Variants in FBXO42 observed in about 807,000 individuals in gnomAD.
The protein encoded by FBXO42 is F-box only protein 42.
In FBXO42, 12 loss-of-function variants were observed where a neutral mutation model predicts 71.7. The ratio of observed to expected loss-of-function variants is 0.17; its 90% CI spans 0.11 to 0.27. The LOEUF (loss-of-function observed/expected upper bound fraction) is 0.27, where lower values mean the gene tolerates loss of function less well. Ranked by LOEUF, FBXO42 falls within the 10% of genes least tolerant of loss-of-function variation. The pLI is 1.00. For missense variants in FBXO42, 707 were observed against 911.9 expected, an observed-to-expected ratio of 0.78 and a Z score of 2.89; for synonymous variants, 325 against 327.5, an observed-to-expected ratio of 0.99 and a Z score of 0.08.
intron 4 of FBXO42, among the ~76,000 whole-genome samples, chr1:16,273,315 C>T (rs927043333): frequency 6.6e-6 from 1 of 152,090 alleles, no homozygotes; most frequent in African/African-American, 2.4e-5. Context: ...GTCATTAGCC[C>T]CTAATAATTA....
chr1:16,341,698 C>T (rs902742591), intron 1 of FBXO42, among the ~76,000 whole-genome samples: 2 of 149,122 alleles, frequency 1.3e-5, no homozygotes, highest in Non-Finnish European at 3.0e-5. Flanking sequence ...GGGCCGGGTG[C>T]GGTGGCTCAT....
intron 3 of FBXO42, among the ~76,000 whole-genome samples, chr1:16,301,372 G>C (rs901976522): frequency 6.6e-6 from 1 of 152,054 alleles, no homozygotes; most frequent in Admixed American, 6.6e-5. Flanking sequence ...TTGTGAAACA[G>C]TACAAGAAGG....
rs779648564 is a variant in FBXO42, at chr1:16,250,919, T to G, written c.1905A>C (p.Leu635=). 5 of 1,614,060 alleles carry G rather than the reference T, an allele frequency of 3.1e-6. No homozygotes were observed. The South Asian group carries it at 4.4e-5, about 14-fold the overall frequency. Residue 635 remains leucine, a synonymous_variant, in exon 10 of 10, where the codon CTA becomes CTC. Coordinates refer to ENST00000375592, the MANE Select transcript of FBXO42 (RefSeq NM_018994.3). This position sits in a 1 kb window ranked among gnomAD's most constrained non-coding sequence, Gnocchi z 4.7. ...PPQSLNVGKP[L]YQSMNCKPMQ... ...TGGGCTTGCAGTTCATACTCTGGTA[T>G]AGGGGTTTGCCAACATTTAGGGACT...
intron 4 of FBXO42, among the ~76,000 whole-genome samples, chr1:16,283,663 C>A (rs2081990653): frequency 1.3e-5 from 2 of 151,806 alleles, no homozygotes; most frequent in East Asian, 1.9e-4. Context: ...TGCCCAGCTA[C>A]TTTTTGTATT....
intron 4 of FBXO42, among the ~76,000 whole-genome samples, chr1:16,273,035 C>T (rs994352271): frequency 1.3e-5 from 2 of 152,074 alleles, no homozygotes; most frequent in Non-Finnish European, 2.9e-5. Context: ...CTAGTATCTC[C>T]GTATATATAA....
At chr1:16,288,577 C>T (rs1044669564) in intron 4 of FBXO42, among the ~76,000 whole-genome samples, 4 of 152,044 alleles carry the variant, frequency 2.6e-5, no homozygotes, top group African/African-American at 9.7e-5. Flanking sequence ...TCCACTTCAG[C>T]AAATGGCCCC....
At chr1:16,301,083 G>C (rs1413438560) in intron 3 of FBXO42, among the ~76,000 whole-genome samples, 6 of 151,830 alleles carry the variant, frequency 4.0e-5, no homozygotes. Flanking sequence ...ATGTTTAGTG[G>C]AGATAGGGTT....
chr1:16,313,824 T>C (rs948864398), intron 2 of FBXO42, among the ~76,000 whole-genome samples: 1 of 152,186 alleles, frequency 6.6e-6, no homozygotes, highest in African/African-American at 2.4e-5. Flanking sequence ...TCCACTTGAT[T>C]GATCATCTTC....
Position 16,305,826 on chromosome 1 carries a change from G to A in FBXO42, c.344C>T (p.Pro115Leu). The A allele has an allele frequency of 3.1e-6, 5 of 1,614,024 alleles. No homozygotes were observed. Among genetic ancestry groups the A allele is most frequent in the Non-Finnish European group, 3.4e-6 (4 of 1,179,914 alleles). The change falls in exon 3 of 10, where the codon CCA (proline) becomes CTA (leucine). Residue 115 changes from proline (P) to leucine (L), a missense_variant. Coordinates refer to ENST00000375592, the MANE Select transcript of FBXO42 (RefSeq NM_018994.3). ...ACTGTGCGAGAAGCGCTGAGTGATT[G>A]GGGTTCCAGGATAAGGATAGGTACG... ...ESRTYPYPGT[P>L]ITQRFSHSAC...
intron 4 of FBXO42, among the ~76,000 whole-genome samples, chr1:16,272,845 A>T (rs1248347096): frequency 2.0e-5 from 3 of 152,198 alleles, no homozygotes; most frequent in African/African-American, 7.2e-5. Context: ...AATTCTTAGG[A>T]ATATTTCATT....
At chr1:16,321,392 C>T (rs1275200953) in intron 1 of FBXO42, among the ~76,000 whole-genome samples, 1 of 152,176 alleles carries the variant, frequency 6.6e-6, no homozygotes, top group Non-Finnish European at 1.5e-5. Context: ...CATTTTGAAA[C>T]TCTGAGTTTT....
At chr1:16,256,160 G>T (rs778701045) in intron 5 of FBXO42, among the ~76,000 whole-genome samples, 3 of 152,148 alleles carry the variant, frequency 2.0e-5, no homozygotes, top group Admixed American at 2.0e-4. Flanking sequence ...GCTAACAAGC[G>T]CCACGTACTA....
At chr1:16,289,261 C>G (rs1025566833) in intron 4 of FBXO42, among the ~76,000 whole-genome samples, 1 of 151,758 alleles carries the variant, frequency 6.6e-6, no homozygotes, top group Admixed American at 6.6e-5. Context: ...GAAAATGTCC[C>G]GATGTGGGGG....
At chr1:16,311,503 A>AT (rs1274920904) in intron 2 of FBXO42, among the ~76,000 whole-genome samples, 4,316 of 64,410 alleles carry the variant, frequency 0.067, 97 homozygotes, top group South Asian at 0.12. Flanking sequence ...AAAAAAAAAA[A>AT]ATATATATAT....
chr1:16,343,639 T>C (rs563509585), intron 1 of FBXO42, among the ~76,000 whole-genome samples: 111 of 152,128 alleles, frequency 7.3e-4, no homozygotes, highest in African/African-American at 2.6e-3. Flanking sequence ...CTCGCCAAGA[T>C]GGTGAAACCC....
intron 6 of FBXO42, among the ~76,000 whole-genome samples, chr1:16,254,365 G>C (rs1037261894): frequency 6.6e-6 from 1 of 152,208 alleles, no homozygotes; most frequent in African/African-American, 2.4e-5. Flanking sequence ...CTTCATCATT[G>C]TCCAGGAGTT....
rs539350958 is a variant in FBXO42, at chr1:16,280,759, G to A, written c.502+14024C>T. Among the ~76,000 whole-genome samples the A allele has an allele frequency of 5.3e-5, 8 of 152,084 alleles. No homozygotes were observed. The South Asian group carries it at 1.7e-3, about 32-fold the overall frequency. On this transcript the variant is annotated intron_variant, in intron 4 of 9. Coordinates refer to ENST00000375592, the MANE Select transcript of FBXO42 (RefSeq NM_018994.3). ...ACTGCACTCCAGCTTGGGAGAGAGA[G>A]TGAAACCCAGTCTCCAGAAAAAAAA...
At chr1:16,342,936 C>T (rs1461685022) in intron 1 of FBXO42, among the ~76,000 whole-genome samples, 1 of 152,102 alleles carries the variant, frequency 6.6e-6, no homozygotes, top group East Asian at 1.9e-4. Context: ...GTCAACTTCC[C>T]CTTTGACCTT....
At position 16,272,038 on chromosome 1, in the gene FBXO42, C is replaced by T. The variant is rs143798206; in HGVS notation, c.503-15279G>A. ...GGCGTGGTGGTGCATGCCCATAGTC[C>T]CAGCTACTCGAGAGGCTAAGGCAGG... On this transcript the variant is annotated intron_variant, in intron 4 of 9. Transcript: ENST00000375592. 2.7e-5 allele frequency among the ~76,000 whole-genome samples: 4 copies of T among 149,594 alleles called. No homozygotes were observed. The East Asian group carries it at 8.2e-4, about 31-fold the overall frequency.
Sources: allele counts gnomAD v4.1 joint callset (sites outside exome capture counted in the v4.1 genomes callset), GRCh38; gene constraint gnomAD v4.1.1; non-coding constraint Gnocchi (gnomAD v3.1); transcripts MANE v1.5; gene names NCBI Gene and HGNC (gene_info 2026-07-23, HGNC 2026-07-21).